Variants in AMZ1 observed in about 807,000 individuals in gnomAD.
AMZ1 encodes archaemetzincin-1.
AMZ1 carries 39 observed loss-of-function variants against 29.9 expected under a neutral mutation model. The ratio of observed to expected loss-of-function variants is 1.30; its 90% CI spans 1.01 to 1.70. AMZ1 has a LOEUF of 1.70. AMZ1 is among the 40% of genes most tolerant of loss of function. The pLI is 0.00. For missense variants in AMZ1, 1,041 were observed against 680.6 expected (o/e 1.53, Z -5.89); for synonymous variants, 458 against 304.0 (o/e 1.51, Z -5.27).
At chr7:2,701,866 C>T (rs1228859529) in intron 2 of AMZ1, among the ~76,000 whole-genome samples, 1 of 152,224 alleles carries the variant, frequency 6.6e-6, no homozygotes, top group African/African-American at 2.4e-5. Flanking sequence ...CATCCACCAC[C>T]CCACAGCAGC....
At position 2,698,704 on chromosome 7, in the gene AMZ1, A is replaced by G. The variant is rs115068362; in HGVS notation, c.-218-1530A>G. 5.4e-3 allele frequency among the ~76,000 whole-genome samples: 824 copies of G among 152,126 alleles called. 13 individuals carry two copies. The highest frequency in any genetic ancestry group is 0.019 in the African/African-American group (798 of 41,486). ...AATACAAAAATTAGCAGGACATTGT[A>G]CACACTTTGTATTCCCAGCTACTTG... is the stretch of plus-strand genomic sequence containing the variant. On this transcript the variant is annotated intron_variant, in intron 1 of 6. Transcript: ENST00000683327.
chr7:2,757,917 G>A (rs1791379799), intron 4 of AMZ1, among the ~76,000 whole-genome samples: 1 of 152,014 alleles, frequency 6.6e-6, no homozygotes, highest in African/African-American at 2.4e-5. Flanking sequence ...ACTCCTGTTC[G>A]CTGTCCCCAC....
At position 2,715,918 on chromosome 7, in the gene AMZ1, TCA is replaced by T. The variant is rs58085702; in HGVS notation, c.*3041_*3042del. 0.34 allele frequency: 51,774 copies of T among 151,902 alleles called. 9,397 individuals are homozygous for T. Among genetic ancestry groups the T allele is most frequent in the African/African-American group, 0.47 (19,279 of 41,382 alleles). The allele number at this position is 151,902 out of a possible 1,614,324, so 9.4% of individuals were successfully genotyped here. ...CAAGACACACAGGGCCACGGTTCTT[TCA>T]GTTTTTAAACACGTGCAAAGTCCAC... is the stretch of plus-strand genomic sequence containing the variant. On this transcript the variant is annotated 3_prime_UTR_variant, in exon 7 of 7. Transcript: ENST00000683327.
At chr7:2,753,622 C>T (rs867961485) in intron 4 of AMZ1, among the ~76,000 whole-genome samples, 1 of 152,172 alleles carries the variant, frequency 6.6e-6, no homozygotes, top group African/African-American at 2.4e-5. Context: ...TGTATTTTAG[C>T]TATTACACAT....
In AMZ1 at chr7:2,715,444, T is replaced by A. The variant is rs1227988753; in HGVS notation, c.*2566T>A. 1 of 152,330 alleles carries A rather than the reference T, an allele frequency of 6.6e-6. No homozygotes were observed. Among genetic ancestry groups the A allele is most frequent in the East Asian group, 1.9e-4 (1 of 5,310 alleles). 9.4% of individuals were successfully genotyped at this position (152,330 alleles called of 1,614,324 possible). On this transcript the variant is annotated 3_prime_UTR_variant, in exon 7 of 7. Coordinates refer to ENST00000683327, the MANE Select transcript of AMZ1 (RefSeq NM_001384743.1). ...ACAGAGGTGATAAAAATAGAATGCC[T>A]GGCTCATGCTGAGGGTGGGAGCCCA... is the stretch of plus-strand genomic sequence containing the variant.
At position 2,744,889 on chromosome 7, in the gene AMZ1, C is replaced by T. The variant is rs148851437; in HGVS notation, n.551-19823C>T. 7.1e-3 allele frequency among the ~76,000 whole-genome samples: 1,085 copies of T among 151,954 alleles called. 8 individuals are homozygous for T. The highest frequency in any genetic ancestry group is 0.019 in the African/African-American group (787 of 41,438). ...TGAGGAATGCAGAAGCCTCAGGAGCCGATGCGATGAACTGGAAGAAAGGGT... is the reference window on the plus strand; with the variant it reads ...TGAGGAATGCAGAAGCCTCAGGAGCTGATGCGATGAACTGGAAGAAAGGGT... On this transcript the variant is annotated intron_variant and non_coding_transcript_variant, in intron 4 of 4. Transcript: ENST00000489665.
chr7:2,700,409 G>T lies in AMZ1; in HGVS notation c.-43G>T. On this transcript the variant is annotated 5_prime_UTR_variant, in exon 2 of 7. Coordinates refer to ENST00000683327, the MANE Select transcript of AMZ1 (RefSeq NM_001384743.1). ...CCGTCCCCCGGGTGGCCCATGGACA[G>T]CAGCAGGGGCTCCCAGGAGTGGCCA... is the stretch of plus-strand genomic sequence containing the variant. The T allele has an allele frequency of 6.4e-7, 1 of 1,572,566 alleles. No individual in the cohort carries two copies. Among genetic ancestry groups the T allele is most frequent in the Non-Finnish European group, 8.6e-7 (1 of 1,164,630 alleles).
At position 2,731,975 on chromosome 7, in the gene AMZ1, C is replaced by T. The variant is rs1418109256; in HGVS notation, n.550+22159C>T. On this transcript the variant is annotated intron_variant and non_coding_transcript_variant, in intron 4 of 4. Transcript: ENST00000489665. This position sits in a 1 kb window ranked among gnomAD's most constrained non-coding sequence, Gnocchi z 6.0. Reference sequence around the variant, plus strand: ...GAACGGAGGCTCACCAGTCTGAGGACGAATGCTCAGAACACTCGTGGGCAG... The same window carrying T: ...GAACGGAGGCTCACCAGTCTGAGGATGAATGCTCAGAACACTCGTGGGCAG... Among the ~76,000 whole-genome samples, 4 of 152,290 alleles carry T rather than the reference C, an allele frequency of 2.6e-5. No individual in the cohort carries two copies. The highest frequency in any genetic ancestry group is 4.2e-4 in the South Asian group (2 of 4,818).
intron 4 of AMZ1, among the ~76,000 whole-genome samples, chr7:2,753,027 T>A (rs1325724444): frequency 6.6e-6 from 1 of 152,178 alleles, no homozygotes; most frequent in Admixed American, 6.5e-5. Context: ...TCTTCCACCA[T>A]CCCTAATCCC....
At chr7:2,760,851 G>A (rs776666716), upstream of AMZ1, among the ~76,000 whole-genome samples, 8 of 152,222 alleles carry the variant, frequency 5.3e-5, no homozygotes, top group Non-Finnish European at 5.9e-5. Context: ...AGAGGCTGGT[G>A]ACACGAGGAA....
chr7:2,755,477 C>T (rs1342144512), intron 4 of AMZ1, among the ~76,000 whole-genome samples: 1 of 152,220 alleles, frequency 6.6e-6, no homozygotes, highest in Admixed American at 6.5e-5. Context: ...TAAATTTACA[C>T]CACAGTATTT....
chr7:2,736,774 C>G (rs1238795530), intron 4 of AMZ1, among the ~76,000 whole-genome samples: 1 of 152,246 alleles, frequency 6.6e-6, no homozygotes, highest in Non-Finnish European at 1.5e-5. Flanking sequence ...ACTCCGTCAG[C>G]ACCGTCAGGC....
chr7:2,703,923 C>G (rs1377879492), intron 3 of AMZ1, among the ~76,000 whole-genome samples: 2 of 152,216 alleles, frequency 1.3e-5, no homozygotes, highest in African/African-American at 4.8e-5. Flanking sequence ...GAATCTTGCT[C>G]TGTCGCCCAG....
intron 4 of AMZ1, among the ~76,000 whole-genome samples, chr7:2,725,663 C>T (rs1042727833): frequency 6.6e-6 from 1 of 152,204 alleles, no homozygotes; most frequent in African/African-American, 2.4e-5. Flanking sequence ...GGCTCCACTC[C>T]CAGAGCTCAG....
chr7:2,760,184 A>G (rs1740829302), upstream of AMZ1, among the ~76,000 whole-genome samples: 1 of 152,146 alleles, frequency 6.6e-6, no homozygotes, highest in Non-Finnish European at 1.5e-5. Flanking sequence ...CTGCCTGGGG[A>G]AGGAGTGGAG....
Position 2,716,162 on chromosome 7 carries a change from G to A in AMZ1, c.*3284G>A, listed in dbSNP as rs763937773. On this transcript the variant is annotated 3_prime_UTR_variant, in exon 7 of 7. Coordinates refer to ENST00000683327, the MANE Select transcript of AMZ1 (RefSeq NM_001384743.1). ...GGGAAGCTAACACATGCCTTCTGAA[G>A]TGGCTAGAATACACACTCCCACGTC... The A allele has an allele frequency of 6.6e-6, 1 of 152,240 alleles. No individual in the cohort carries two copies. Among genetic ancestry groups the A allele is most frequent in the Non-Finnish European group, 1.5e-5 (1 of 68,062 alleles). The allele number at this position is 152,240 out of a possible 1,614,324, so 9.4% of individuals were successfully genotyped here. A position where few individuals can be genotyped will look rare whatever the true frequency, so the allele number is the denominator to read the frequency against.
rs531877715 is a variant in AMZ1 at position 2,716,924 on chromosome 7, G to C, written c.*4046G>C. Among the ~76,000 whole-genome samples, 1 of 152,206 alleles carries C rather than the reference G, an allele frequency of 6.6e-6. No homozygotes were observed. Among genetic ancestry groups the C allele is most frequent in the African/African-American group, 2.4e-5 (1 of 41,454 alleles). On this transcript the variant is annotated 3_prime_UTR_variant, in exon 7 of 7. Coordinates refer to ENST00000683327, the MANE Select transcript of AMZ1 (RefSeq NM_001384743.1). ...GAAACGGCAGAGCGGAAGTTGAGGC[G>C]CAGTCTGTTCTTGCTTGAACCCCGA... is the stretch of plus-strand genomic sequence containing the variant.
At chr7:2,742,565 G>A (rs1487694226) in intron 4 of AMZ1, among the ~76,000 whole-genome samples, 1 of 152,124 alleles carries the variant, frequency 6.6e-6, no homozygotes, top group Non-Finnish European at 1.5e-5. Flanking sequence ...GCTTACTTTG[G>A]TGCTCAAAGT....
chr7:2,738,338 A>G (rs562679277), intron 4 of AMZ1, among the ~76,000 whole-genome samples: 46 of 152,180 alleles, frequency 3.0e-4, no homozygotes, highest in Non-Finnish European at 5.9e-4. Flanking sequence ...AAAGTGACGC[A>G]GGCACAAGCT....
Sources: allele counts gnomAD v4.1 joint callset (sites outside exome capture counted in the v4.1 genomes callset), GRCh38; gene constraint gnomAD v4.1.1; non-coding constraint Gnocchi (gnomAD v3.1); transcripts MANE v1.5; gene names NCBI Gene and HGNC (gene_info 2026-07-23, HGNC 2026-07-21).